The following HIVEP3 variants were observed in gnomAD, a reference collection of about 807,000 sequenced individuals.
HIVEP3 encodes HIVEP zinc finger 3.
A neutral mutation model predicts 152.8 loss-of-function variants in HIVEP3; 49 were observed. That is an observed-to-expected ratio of 0.32 (90% CI 0.26 to 0.41). HIVEP3 has a LOEUF of 0.41. HIVEP3 is among the 10% of genes least tolerant of loss of function. The pLI, the probability that HIVEP3 is intolerant of heterozygous loss-of-function variation, is 1.00. For synonymous variants in HIVEP3, 1,269 were observed against 1,289.0 expected (o/e 0.98, Z 0.33); for missense variants, 2,790 against 3,103.3 (o/e 0.90, Z 2.40).
chr1:41,578,193 T>C (rs1644353792), intron 4 of HIVEP3, among the ~76,000 whole-genome samples: 2 of 152,238 alleles, frequency 1.3e-5, no homozygotes, highest in African/African-American at 4.8e-5. Context: ...GAAATGGTGA[T>C]ATTGCACCCT....
chr1:41,670,196 G>A (rs775898304), intron 2 of HIVEP3, among the ~76,000 whole-genome samples: 3 of 152,100 alleles, frequency 2.0e-5, no homozygotes, highest in Non-Finnish European at 4.4e-5. Flanking sequence ...TATGGTTTGG[G>A]GCATAATCAC....
At chr1:41,815,794 A>G (rs1651228083) in intron 1 of HIVEP3, among the ~76,000 whole-genome samples, 1 of 151,200 alleles carries the variant, frequency 6.6e-6, no homozygotes, top group African/African-American at 2.4e-5. Context: ...TTTGAGACAG[A>G]AGTCTCTCTC....
At chr1:41,889,780 G>A (rs1012805340) in intron 1 of HIVEP3, among the ~76,000 whole-genome samples, 59 of 152,134 alleles carry the variant, frequency 3.9e-4, no homozygotes, top group African/African-American at 1.3e-3. Context: ...TGATTACCAC[G>A]GTGACACTCC....
At position 41,991,347 on chromosome 1, in the gene HIVEP3, C is replaced by T. The variant is rs1324191136; in HGVS notation, n.119+44460G>A. On this transcript the variant is annotated intron_variant and non_coding_transcript_variant, in intron 1 of 3. Coordinates refer to the HIVEP3 transcript ENST00000489103. Reference sequence around the variant, plus strand: ...ACTGATCCCACAGAAATACAAACTACCATCAGAGAATACTACAAACACCTC... The same window carrying T: ...ACTGATCCCACAGAAATACAAACTATCATCAGAGAATACTACAAACACCTC... Among the ~76,000 whole-genome samples the T allele has an allele frequency of 2.0e-5, 3 of 150,654 alleles. No homozygotes were observed. The East Asian group carries it at 5.9e-4, about 29-fold the overall frequency.
At position 41,580,453 on chromosome 1, in the gene HIVEP3, T is replaced by G. The variant is rs1644384983; in HGVS notation, c.4345A>C (p.Arg1449=). ...TTGGAAGCCTCCTCCTCCTTCACTC[T>G]TTTTTGCTGCTGGGTTTCCATGGTA... ...ELTMETQQQK[R]VKEEEASKAD... Residue 1449 remains arginine, a synonymous_variant, in exon 4 of 9, where the codon AGA becomes CGA. Transcript: ENST00000372583. 1.2e-6 allele frequency: 2 copies of G among 1,614,066 alleles called. No individual in the cohort carries two copies. Among genetic ancestry groups the G allele is most frequent in the African/African-American group, 1.3e-5 (1 of 74,936 alleles).
intron 5 of HIVEP3, among the ~76,000 whole-genome samples, chr1:41,547,912 C>T (rs866989524): frequency 6.6e-6 from 1 of 152,126 alleles, no homozygotes; most frequent in South Asian, 2.1e-4. Context: ...TTCCCCTCCT[C>T]TCTGGCCATC....
intron 5 of HIVEP3, among the ~76,000 whole-genome samples, chr1:41,531,251 G>A (rs1477300095): frequency 1.8e-5 from 2 of 108,176 alleles, no homozygotes; most frequent in African/African-American, 6.0e-5. Flanking sequence ...TGGAGGACAG[G>A]GGAGATGGAG....
At chr1:41,825,390 C>T (rs1377336894) in intron 1 of HIVEP3, among the ~76,000 whole-genome samples, 1 of 151,932 alleles carries the variant, frequency 6.6e-6, no homozygotes, top group East Asian at 1.9e-4. Context: ...CATGGTAGGG[C>T]CAGCTTAGAG....
In HIVEP3 at chr1:41,560,643, C is replaced by T. The variant is rs147067613; in HGVS notation, c.5207+14901G>A. Among the ~76,000 whole-genome samples, 1,415 of 152,286 alleles carry T rather than the reference C, an allele frequency of 9.3e-3. 22 individuals carry two copies. Among genetic ancestry groups the T allele is most frequent in the African/African-American group, 0.032 (1,335 of 41,550 alleles). On this transcript the variant is annotated intron_variant, in intron 5 of 8. Coordinates refer to ENST00000372583, the MANE Select transcript of HIVEP3 (RefSeq NM_024503.5). Reference sequence around the variant, plus strand: ...GCCTCCCGGGGCCAGGACTTCACCCCGTGGACTGCAAGGAACTGCTGAAGC... The same window carrying T: ...GCCTCCCGGGGCCAGGACTTCACCCTGTGGACTGCAAGGAACTGCTGAAGC...
chr1:41,518,386 G>C lies in HIVEP3; in HGVS notation c.5470+16C>G. ...GGACAAGGGGAAAGGGGACGGAGAAGGTTGGCAATTGTTACCTTCTTCGGC... is the reference window on the plus strand; with the variant it reads ...GGACAAGGGGAAAGGGGACGGAGAACGTTGGCAATTGTTACCTTCTTCGGC... On this transcript the variant is annotated intron_variant, in intron 7 of 8. Transcript: ENST00000372583. The C allele has an allele frequency of 6.2e-7, 1 of 1,608,208 alleles. No homozygotes were observed. Among genetic ancestry groups the C allele is most frequent in the Non-Finnish European group, 8.5e-7 (1 of 1,174,556 alleles).
intron 1 of HIVEP3, among the ~76,000 whole-genome samples, chr1:42,021,477 G>T (rs1190459909): frequency 2.6e-5 from 4 of 152,140 alleles, no homozygotes; most frequent in African/African-American, 9.7e-5. Context: ...TAGGGTAAGG[G>T]GGGGTTGGGA....
chr1:41,659,491 C>T (rs1406616533), intron 2 of HIVEP3, among the ~76,000 whole-genome samples: 1 of 152,226 alleles, frequency 6.6e-6, no homozygotes, highest in African/African-American at 2.4e-5. Flanking sequence ...GTGCCCAGGG[C>T]CCAGCAGGCA....
intron 1 of HIVEP3, among the ~76,000 whole-genome samples, chr1:41,710,814 A>G (rs1399330566): frequency 6.6e-6 from 1 of 152,172 alleles, no homozygotes; most frequent in Admixed American, 6.5e-5. Flanking sequence ...TCACCATAGG[A>G]TGGCGGCTGA....
At chr1:41,783,160 C>T (rs1649150280) in intron 1 of HIVEP3, among the ~76,000 whole-genome samples, 1 of 152,138 alleles carries the variant, frequency 6.6e-6, no homozygotes, top group South Asian at 2.1e-4. Context: ...ACCAATGGGA[C>T]AGAATCACAG....
At chr1:41,791,393 G>A (rs900345239) in intron 1 of HIVEP3, among the ~76,000 whole-genome samples, 2 of 152,166 alleles carry the variant, frequency 1.3e-5, no homozygotes, top group Non-Finnish European at 2.9e-5. Flanking sequence ...CTAAGTCCTG[G>A]CCAATAAGAT....
At chr1:41,961,495 T>G (rs1645169297) in intron 1 of HIVEP3, among the ~76,000 whole-genome samples, 1 of 152,260 alleles carries the variant, frequency 6.6e-6, no homozygotes, top group African/African-American at 2.4e-5. Flanking sequence ...GAGAAAAGCA[T>G]GTCTTGGCAC....
chr1:41,619,665 G>T (rs1044200535), intron 3 of HIVEP3, among the ~76,000 whole-genome samples: 5 of 152,158 alleles, frequency 3.3e-5, no homozygotes, highest in African/African-American at 1.2e-4. Flanking sequence ...AGGAGTGGGG[G>T]AAGGGATGAG....
intron 1 of HIVEP3, among the ~76,000 whole-genome samples, chr1:41,797,521 T>C (rs1650050290): frequency 6.6e-6 from 1 of 151,696 alleles, no homozygotes; most frequent in African/African-American, 2.4e-5. Context: ...AAAAAAATGA[T>C]GGAGAATTTC....
chr1:41,565,840 G>A (rs906080316), intron 5 of HIVEP3, among the ~76,000 whole-genome samples: 3 of 152,126 alleles, frequency 2.0e-5, no homozygotes, highest in South Asian at 2.1e-4. Flanking sequence ...ATTTTAATAC[G>A]AGGCAAAGAG....
Sources: allele counts gnomAD v4.1 joint callset (sites outside exome capture counted in the v4.1 genomes callset), GRCh38; gene constraint gnomAD v4.1.1; transcripts MANE v1.5; gene names NCBI Gene and HGNC (gene_info 2026-07-23, HGNC 2026-07-21).